Variants in TMEM231 observed in about 807,000 individuals in gnomAD.
TMEM231 encodes the protein transmembrane protein 231.
Under a neutral mutation model 38.5 loss-of-function variants are expected in TMEM231, and 40 were observed. That is an observed-to-expected ratio of 1.04 (90% confidence interval 0.81 to 1.35). The LOEUF (loss-of-function observed/expected upper bound fraction) is 1.35. TMEM231 is among the 40% of genes most tolerant of loss of function. TMEM231 has a pLI of 0.00. For missense variants in TMEM231, 420 were observed against 416.9 expected, an observed-to-expected ratio of 1.01 and a Z score of -0.07; for synonymous variants, 199 against 181.7, an observed-to-expected ratio of 1.10 and a Z score of -0.77.
chr16:75,549,363 T>C (rs1193405952), intron 2 of TMEM231, among the ~76,000 whole-genome samples: 1 of 152,188 alleles, frequency 6.6e-6, no homozygotes, highest in African/African-American at 2.4e-5. Context: ...AATTCACATA[T>C]CACACCACCA....
chr16:75,549,369 C>T (rs995119452), intron 2 of TMEM231, among the ~76,000 whole-genome samples: 2 of 152,192 alleles, frequency 1.3e-5, no homozygotes, highest in Non-Finnish European at 2.9e-5. Context: ...CATATCACAC[C>T]ACCACCTTAT....
chr16:75,548,310 C>T (rs1047333428), intron 2 of TMEM231, among the ~76,000 whole-genome samples: 1 of 152,228 alleles, frequency 6.6e-6, no homozygotes, highest in Non-Finnish European at 1.5e-5. Flanking sequence ...CTGTGCACAT[C>T]CTTCCATTCC....
Position 75,543,264 on chromosome 16 carries a change from T to A in TMEM231, c.583-581A>T, listed in dbSNP as rs143301132. On this transcript the variant is annotated intron_variant, in intron 4 of 6. Coordinates refer to ENST00000258173, the MANE Select transcript of TMEM231 (RefSeq NM_001077418.3). ...AAAGACTTCATCTCTCAAAAAAAAA[T>A]AAAAATAAAAAAAAATAAAAAGCCA... 4.0e-5 allele frequency among the ~76,000 whole-genome samples: 6 copies of A among 150,188 alleles called. No individual in the cohort carries two copies. The East Asian group carries it at 7.8e-4, about 20-fold the overall frequency.
At chr16:75,551,052 T>C (rs1290123133) in intron 2 of TMEM231, among the ~76,000 whole-genome samples, 2 of 152,222 alleles carry the variant, frequency 1.3e-5, no homozygotes, top group South Asian at 2.1e-4. Context: ...TCCTAGTTTA[T>C]ACCAGTGTCT....
Position 75,537,897 on chromosome 16 carries a change from A to T in TMEM231, c.*2097T>A, listed in dbSNP as rs1033674713. 4.6e-5 allele frequency: 7 copies of T among 152,162 alleles called. No homozygotes were observed. Among genetic ancestry groups the T allele is most frequent in the African/African-American group, 1.4e-4 (6 of 41,440 alleles). The allele number at this position is 152,162 out of a possible 1,614,324, so 9.4% of individuals were successfully genotyped here. On this transcript the variant is annotated 3_prime_UTR_variant, in exon 7 of 7. Coordinates refer to ENST00000258173, the MANE Select transcript of TMEM231 (RefSeq NM_001077418.3). ...CCAGACACAGTCATAATTATCCAAC[A>T]CGTAGATTTCACATGGCATGTGAAT...
At chr16:75,541,280 A>T in intron 6 of TMEM231, 70 bp downstream of exon 6, 1 of 1,206,884 alleles carries the variant, frequency 8.3e-7, no homozygotes, top group Non-Finnish European at 1.1e-6. Context: ...TTGGCCTCCC[A>T]AAGTGCTGAA....
chr16:75,546,119 G>T (rs762514534), intron 2 of TMEM231, 165 bp from the exon 3 acceptor site: 8 of 1,536,300 alleles, frequency 5.2e-6, no homozygotes, highest in Middle Eastern at 1.7e-4. Flanking sequence ...ATTAATACTG[G>T]GGAGAGACAC....
At position 75,555,891 on chromosome 16, in the gene TMEM231, T is replaced by A. The variant is rs1372569808; in HGVS notation, c.222A>T (p.Gly74=). ...QHQVLLVALL[G]PESDGFLAWS... Reference sequence around the variant, plus strand: ...AGGCGAGGAACCCGTCGCTTTCGGGTCCGAGCAGGGCCACGAGCAGCACCT... The same window carrying A: ...AGGCGAGGAACCCGTCGCTTTCGGGACCGAGCAGGGCCACGAGCAGCACCT... Residue 74 remains glycine (G), a synonymous_variant, in exon 2 of 7, where the codon GGA becomes GGT. Transcript: ENST00000258173. 1 of 1,596,736 alleles carries A rather than the reference T, an allele frequency of 6.3e-7. No homozygotes were observed. The highest frequency in any genetic ancestry group is 1.3e-5 in the African/African-American group (1 of 74,450).
In TMEM231 at chr16:75,541,379, A is replaced by G. The variant is rs1450250157; in HGVS notation, c.741T>C (p.Ala247=). The change falls in exon 6 of 7, where the codon GCT becomes GCC. Residue 247 remains alanine, a synonymous_variant. Coordinates refer to ENST00000258173, the MANE Select transcript of TMEM231 (RefSeq NM_001077418.3). ...RAADAPFVIN[A]IIRYPVEVIS... ...TGACTTCCACAGGGTATCGGATGATAGCATTAATCACAAATGGAGCATCTG... is the reference window on the plus strand; with the variant it reads ...TGACTTCCACAGGGTATCGGATGATGGCATTAATCACAAATGGAGCATCTG... 5.0e-6 allele frequency: 8 copies of G among 1,611,874 alleles called. No individual in the cohort carries two copies. Among genetic ancestry groups the G allele is most frequent in the Non-Finnish European group, 6.8e-6 (8 of 1,178,666 alleles).
rs397514753 is a variant in TMEM231 at position 75,542,602 on chromosome 16, C to T, written c.664G>A (p.Val222Ile). The change falls in exon 5 of 7, where the codon GTT becomes ATT. Residue 222 changes from valine (V) to isoleucine (I), a missense_variant and splice_region_variant. Transcript: ENST00000258173. Reference sequence around the variant, plus strand: ...TGAATGGGCTCTACCTGTGACTCACCGTTCCTCTCCTGGTAGGCAGCAACA... The same window carrying T: ...TGAATGGGCTCTACCTGTGACTCACTGTTCCTCTCCTGGTAGGCAGCAACA... ...HIVAAYQERN[V>I]TTVLNDPNPI... is the part of the protein sequence containing the mutation. The T allele has an allele frequency of 8.7e-6, 14 of 1,613,498 alleles. No homozygotes were observed. The African/African-American group carries it at 9.3e-5, about 11-fold the overall frequency.
rs1032603822 is a variant in TMEM231, at chr16:75,556,037, G to A, written c.139+34C>T. Reference sequence around the variant, plus strand: ...CCGGCCCTGGCCGAGCGCGCCCGGGGAGCCTCGTGGCACAGCGGCCGGGGC... The same window carrying A: ...CCGGCCCTGGCCGAGCGCGCCCGGGAAGCCTCGTGGCACAGCGGCCGGGGC... On this transcript the variant is annotated intron_variant, in intron 1 of 6. Transcript: ENST00000258173. The A allele has an allele frequency of 5.7e-6, 9 of 1,566,330 alleles. No individual in the cohort carries two copies. In the South Asian group the frequency reaches 5.8e-5, roughly 10 times the overall value.
chr16:75,542,779 C>A, intron 4 of TMEM231, 96 bp from the exon 5 acceptor site: 1 of 1,005,010 alleles, frequency 1.0e-6, no homozygotes, highest in South Asian at 1.5e-5. Context: ...CCACAGAGCA[C>A]CCTCTTGTTC....
At position 75,549,020 on chromosome 16, in the gene TMEM231, T is replaced by C. The variant is rs145278202; in HGVS notation, c.310-3066A>G. Among the ~76,000 whole-genome samples the C allele has an allele frequency of 1.9e-3, 292 of 152,270 alleles. 7 individuals carry two copies. In the South Asian group the frequency reaches 0.037, roughly 19 times the overall value. On this transcript the variant is annotated intron_variant, in intron 2 of 6. Transcript: ENST00000258173. Reference sequence around the variant, plus strand: ...CCAGGCTAATCAGGTACATGTGCTCTGGGTACCCGTGGGATCAATGCATCT... The same window carrying C: ...CCAGGCTAATCAGGTACATGTGCTCCGGGTACCCGTGGGATCAATGCATCT...
intron 2 of TMEM231, among the ~76,000 whole-genome samples, chr16:75,548,032 T>A (rs2080714674): frequency 6.6e-6 from 1 of 152,158 alleles, no homozygotes; most frequent in Non-Finnish European, 1.5e-5. Context: ...CTTTGATCTT[T>A]ACAATAAATG....
In TMEM231 at chr16:75,539,839, C is replaced by T. The variant is rs549889487; in HGVS notation, c.*155G>A. The T allele has an allele frequency of 3.7e-4, 216 of 583,754 alleles. No individual in the cohort carries two copies. The highest frequency in any genetic ancestry group is 3.6e-3 in the African/African-American group (190 of 53,078). 36.2% of individuals were successfully genotyped at this position (583,754 alleles called of 1,614,324 possible). On this transcript the variant is annotated 3_prime_UTR_variant, in exon 7 of 7. Coordinates refer to ENST00000258173, the MANE Select transcript of TMEM231 (RefSeq NM_001077418.3). Reference sequence around the variant, plus strand: ...CTGCAGGAGCTCTGAAGATACGGAACTGTGTAGAGCAAAACCGGAAAGAAC... The same window carrying T: ...CTGCAGGAGCTCTGAAGATACGGAATTGTGTAGAGCAAAACCGGAAAGAAC...
At chr16:75,555,518 G>C in intron 2 of TMEM231, 1 of 391,862 alleles carries the variant, frequency 2.6e-6, no homozygotes, top group Middle Eastern at 6.4e-4. Flanking sequence ...GGTGTGACCC[G>C]GGCAGACACA....
At chr16:75,555,396 G>A (rs994345553) in intron 2 of TMEM231, 19 of 181,044 alleles carry the variant, frequency 1.0e-4, no homozygotes, top group Non-Finnish European at 3.4e-5. Context: ...TTCCTATAGT[G>A]GTGTGATGCA....
chr16:75,544,949 C>CTTCTTTTTTTTTTT (rs2080666559), intron 4 of TMEM231, among the ~76,000 whole-genome samples: 11 of 89,618 alleles, frequency 1.2e-4, no homozygotes, highest in East Asian at 5.1e-4. Flanking sequence ...TTTTCTTTTT[C>CTTCTTTTTTTTTTT]TTTTTTTTTT....
Position 75,538,487 on chromosome 16 carries a change from A to C in TMEM231, c.*1507T>G, listed in dbSNP as rs553952796. ...TTTTTCGTTTAGATCTTAAGAAAAA[A>C]ATTTAGGCATATAAAACAGCCTGAA... On this transcript the variant is annotated 3_prime_UTR_variant, in exon 7 of 7. Coordinates refer to ENST00000258173, the MANE Select transcript of TMEM231 (RefSeq NM_001077418.3). 6.6e-6 allele frequency: 1 copy of C among 152,304 alleles called. No homozygotes were observed. The highest frequency in any genetic ancestry group is 1.9e-4 in the East Asian group (1 of 5,190). The allele number at this position is 152,304 out of a possible 1,614,324, so 9.4% of individuals were successfully genotyped here.
Sources: gnomAD v4.1 joint callset for allele counts (sites outside exome capture counted in the v4.1 genomes callset) on GRCh38, gnomAD v4.1.1 for gene constraint, MANE v1.5 for transcripts, NCBI Gene and HGNC (gene_info 2026-07-23, HGNC 2026-07-21) for gene names.